Variants in CRMP1 observed in about 807,000 individuals in gnomAD.
CRMP1 encodes collapsin response mediator protein 1, also known as dihydropyrimidinase-related protein 1.
A neutral mutation model predicts 68.3 loss-of-function variants in CRMP1; 19 were observed. That is an observed-to-expected ratio of 0.28 (90% confidence interval 0.19 to 0.41). The LOEUF is 0.41. Ranked by LOEUF, CRMP1 falls within the 10% of genes least tolerant of loss-of-function variation. The probability of loss-of-function intolerance (pLI) is 1.00; values close to 1 mark genes in which losing one functional copy is unlikely to be tolerated. For missense variants in CRMP1, 791 were observed against 967.4 expected (o/e 0.82, Z 2.42); for synonymous variants, 439 against 399.6 (o/e 1.10, Z -1.18).
chr4:5,835,789 C>CTT (rs1386106888), intron 11 of CRMP1, 126 bp downstream of exon 11: 1 of 1,137,056 alleles, frequency 8.8e-7, no homozygotes, highest in East Asian at 2.9e-5. Context: ...ATGGGAATGA[C>CTT]TGAGTCAGGC....
At position 5,820,824 on chromosome 4, in the gene CRMP1, AAT is replaced by A. The variant is rs1718407862; in HGVS notation, c.*934_*935del. Reference sequence around the variant, plus strand: ...TTTCTTTATTTTTTCACAAGCTTTGAATTCAGAAATAAGAGCCACAACAAGTT... The same window carrying A: ...TTTCTTTATTTTTTCACAAGCTTTGATCAGAAATAAGAGCCACAACAAGTT... On this transcript the variant is annotated 3_prime_UTR_variant, in exon 14 of 14. Transcript: ENST00000324989. 6.6e-6 allele frequency: 1 copy of A among 152,176 alleles called. No individual in the cohort carries two copies. The highest frequency in any genetic ancestry group is 2.1e-4 in the South Asian group (1 of 4,828). 9.4% of individuals were successfully genotyped at this position (152,176 alleles called of 1,614,324 possible). A position where few individuals can be genotyped will look rare whatever the true frequency, so the allele number is the denominator to read the frequency against.
At chr4:5,878,113 G>A (rs1269026287) in intron 1 of CRMP1, among the ~76,000 whole-genome samples, 1 of 152,148 alleles carries the variant, frequency 6.6e-6, no homozygotes, top group Admixed American at 6.5e-5. Context: ...TTAAAAGTGG[G>A]AATAAGTATG....
At position 5,870,488 on chromosome 4, in the gene CRMP1, C is replaced by T. The variant is rs959655845; in HGVS notation, c.382-3732G>A. Among the ~76,000 whole-genome samples the T allele has an allele frequency of 6.6e-5, 10 of 152,208 alleles. 1 individual carries two copies. The highest frequency in any genetic ancestry group is 5.8e-4 in the East Asian group (3 of 5,194). On this transcript the variant is annotated intron_variant, in intron 1 of 13. Coordinates refer to ENST00000324989, the MANE Select transcript of CRMP1 (RefSeq NM_001014809.3). This position sits in a 1 kb window ranked among gnomAD's most constrained non-coding sequence, Gnocchi z 6.0. ...TGCACAGCACTTGTCTTTACTAGAC[C>T]GTGAGCTCCACGGAGGCAACGGACT...
At chr4:5,869,637 T>C (rs1577826601) in intron 1 of CRMP1, among the ~76,000 whole-genome samples, 1 of 134,812 alleles carries the variant, frequency 7.4e-6, no homozygotes, top group African/African-American at 2.9e-5. Context: ...TGAGCCGAGA[T>C]AGCGCCACTG....
chr4:5,851,894 G>C (rs916823533), intron 4 of CRMP1, among the ~76,000 whole-genome samples: 1 of 65,924 alleles, frequency 1.5e-5, no homozygotes, highest in African/African-American at 5.2e-5. Flanking sequence ...AAGAGGAGGA[G>C]GAAGAAAAAG....
chr4:5,839,533 G>T lies in CRMP1; in HGVS notation c.1299C>A (p.Ser433=), dbSNP rs540631676. The T allele has an allele frequency of 6.4e-5, 103 of 1,609,498 alleles. No individual in the cohort carries two copies. The South Asian group carries it at 7.0e-4, about 11-fold the overall frequency. ...PDPTTPDYLT[S]LLACGDLQVT... ...CTCACAGGTCTCACCAGGCCAGTAG[G>T]GAGGTCAAGTAGTCGGGCGTGGTAG... Residue 433 remains serine (S), a synonymous_variant, in exon 9 of 14, where the codon TCC becomes TCA. Coordinates refer to ENST00000324989, the MANE Select transcript of CRMP1 (RefSeq NM_001014809.3).
At chr4:5,851,190 C>T (rs41264679) in intron 5 of CRMP1, among the ~76,000 whole-genome samples, 2 of 152,172 alleles carry the variant, frequency 1.3e-5, no homozygotes, top group African/African-American at 2.4e-5. Context: ...GCCACCAAAC[C>T]AGGGAACCCC....
Position 5,839,626 on chromosome 4 carries a change from G to A in CRMP1, c.1206C>T (p.Thr402=), listed in dbSNP as rs763221244. 6.2e-7 allele frequency: 1 copy of A among 1,613,196 alleles called. No individual in the cohort carries two copies. The highest frequency in any genetic ancestry group is 8.5e-7 in the Non-Finnish European group (1 of 1,179,658). The change falls in exon 9 of 14, where the codon ACC becomes ACT. Residue 402 remains threonine, a synonymous_variant. Transcript: ENST00000324989. ...TGGCCCAGTTCTTGCTCCAGTAATG[G>A]GTGCCATCGGTCCCCAGGCTGGCGG... ...PIAASLGTDG[T]HYWSKNWAKA... is the part of the protein sequence containing the mutation.
intron 1 of CRMP1, among the ~76,000 whole-genome samples, chr4:5,873,250 G>A (rs1452074450): frequency 6.6e-6 from 1 of 152,170 alleles, no homozygotes; most frequent in African/African-American, 2.4e-5. Flanking sequence ...AAGGGGAAAA[G>A]CATTCCCTCT....
At chr4:5,824,156 A>G (rs1719154660) in intron 13 of CRMP1, 1 of 242,402 alleles carries the variant, frequency 4.1e-6, no homozygotes, top group Non-Finnish European at 6.6e-6. Context: ...GCAATTGTGC[A>G]GTGTTTAATT....
At position 5,836,782 on chromosome 4, in the gene CRMP1, C is replaced by A. The variant is rs533613606; in HGVS notation, c.1435G>T (p.Val479Phe). 1.2e-6 allele frequency: 2 copies of A among 1,614,042 alleles called. No homozygotes were observed. Among genetic ancestry groups the A allele is most frequent in the African/African-American group, 1.3e-5 (1 of 75,046 alleles). Reference protein sequence around the residue: ...VNGIEERMTVVWDKAVATGKM... With the variant: ...VNGIEERMTVFWDKAVATGKM... The stretch of plus-strand genomic sequence containing the variant: ...AGCCTTACCACCGCCTTGTCCCAGA[C>A]GACCGTCATCCGCTCCTCTATCCCG... Residue 479 changes from valine (V) to phenylalanine (F), a missense_variant, in exon 10 of 14, where the codon GTC becomes TTC. Physicochemically the swap from Val to Phe is conservative, Grantham distance 50. Coordinates refer to ENST00000324989, the MANE Select transcript of CRMP1 (RefSeq NM_001014809.3).
chr4:5,823,862 A>T (rs1719094175), intron 13 of CRMP1, among the ~76,000 whole-genome samples: 1 of 152,222 alleles, frequency 6.6e-6, no homozygotes, highest in Non-Finnish European at 1.5e-5. Flanking sequence ...AACAGACACT[A>T]ACTCATGGTA....
chr4:5,837,845 A>G (rs1288598285), intron 9 of CRMP1, among the ~76,000 whole-genome samples: 2 of 152,092 alleles, frequency 1.3e-5, no homozygotes, highest in African/African-American at 4.8e-5. Context: ...TTATTCAACA[A>G]AATTGTGTTG....
chr4:5,834,038 T>C lies in CRMP1; in HGVS notation c.1623+1877A>G, dbSNP rs1344750848. Among the ~76,000 whole-genome samples, 1 of 152,156 alleles carries C rather than the reference T, an allele frequency of 6.6e-6. No homozygotes were observed. The highest frequency in any genetic ancestry group is 1.5e-5 in the Non-Finnish European group (1 of 68,028). The stretch of plus-strand genomic sequence containing the variant: ...TCCAGCCTGGGCAACAGAGCAAGAC[T>C]CCATCTCAACAACAACAAAAGGAAT... On this transcript the variant is annotated intron_variant, in intron 11 of 13. Coordinates refer to ENST00000324989, the MANE Select transcript of CRMP1 (RefSeq NM_001014809.3). The surrounding 1 kb of genome is among the most constrained non-coding windows in gnomAD (Gnocchi z 4.3).
chr4:5,839,410 G>C, intron 9 of CRMP1, 112 bp downstream of exon 9: 1 of 1,343,202 alleles, frequency 7.4e-7, no homozygotes, highest in African/African-American at 1.4e-5. Flanking sequence ...GCACGGGGCA[G>C]AGCCTCCTCT....
intron 3 of CRMP1, among the ~76,000 whole-genome samples, chr4:5,857,567 A>C (rs902975130): frequency 2.6e-5 from 4 of 152,328 alleles, no homozygotes; most frequent in South Asian, 4.1e-4. Flanking sequence ...AGATAATGCC[A>C]CAAAAGCTTG....
Position 5,843,558 on chromosome 4 carries a change from G to A in CRMP1, c.964-397C>T, listed in dbSNP as rs971619443. Among the ~76,000 whole-genome samples, 23 of 152,108 alleles carry A rather than the reference G, an allele frequency of 1.5e-4. No individual in the cohort carries two copies. The highest frequency in any genetic ancestry group is 5.1e-4 in the African/African-American group (21 of 41,404). On this transcript the variant is annotated intron_variant, in intron 6 of 13. Transcript: ENST00000324989. This position sits in a 1 kb window ranked among gnomAD's most constrained non-coding sequence, Gnocchi z 4.1. ...ATCTTCAACTAGGAATCCTACTCTA[G>A]TCTTTGATGTTGAAATCAAAGATCC...
At chr4:5,878,306 C>A (rs1714986000) in intron 1 of CRMP1, among the ~76,000 whole-genome samples, 1 of 151,952 alleles carries the variant, frequency 6.6e-6, no homozygotes, top group Non-Finnish European at 1.5e-5. Context: ...AGCCTCAGTT[C>A]CCCACTCTGT....
intron 9 of CRMP1, among the ~76,000 whole-genome samples, chr4:5,837,700 A>G (rs1041885213): frequency 6.6e-6 from 1 of 151,114 alleles, no homozygotes; most frequent in African/African-American, 2.4e-5. Context: ...AATAAAATAA[A>G]AAATGAATGG....
Sources: gnomAD v4.1 joint callset for allele counts (sites outside exome capture counted in the v4.1 genomes callset) on GRCh38, gnomAD v4.1.1 for gene constraint, Gnocchi (gnomAD v3.1) non-coding constraint, MANE v1.5 for transcripts, NCBI Gene and HGNC (gene_info 2026-07-23, HGNC 2026-07-21) for gene names.